The following RPTOR variants were observed in gnomAD, a reference collection of about 807,000 sequenced individuals.
The protein encoded by RPTOR is regulatory associated protein of MTOR complex 1, also known as regulatory-associated protein of mTOR.
In RPTOR, 21 loss-of-function variants were observed where a neutral mutation model predicts 169.9. The ratio of observed to expected loss-of-function variants is 0.12; its 90% CI spans 0.09 to 0.18. The LOEUF (loss-of-function observed/expected upper bound fraction) is 0.18. Among genes scored for constraint, RPTOR ranks in the 10% least tolerant of loss-of-function variants. The pLI is 1.00. For synonymous variants in RPTOR, 732 were observed against 753.2 expected, an observed-to-expected ratio of 0.97 and a Z score of 0.46; for missense variants, 1,133 against 1,855.9, an observed-to-expected ratio of 0.61 and a Z score of 7.16.
chr17:80,630,430 CAG>C (rs1470829979), intron 2 of RPTOR, among the ~76,000 whole-genome samples: 1 of 152,188 alleles, frequency 6.6e-6, no homozygotes, highest in Admixed American at 6.5e-5. Context: ...TCCAGAGAAA[CAG>C]GGGCAGTAGA....
Position 80,844,343 on chromosome 17 carries a change from T to G in RPTOR, c.1213-2130T>G, listed in dbSNP as rs1288431738. 6.6e-6 allele frequency among the ~76,000 whole-genome samples: 1 copy of G among 152,134 alleles called. No individual in the cohort carries two copies. Among genetic ancestry groups the G allele is most frequent in the African/African-American group, 2.4e-5 (1 of 41,416 alleles). ...ATTTTTCTCTTTCTGCATGGAGTAG[T>G]GACTCCAGCAGTGAGGAACATGTGA... On this transcript the variant is annotated intron_variant, in intron 10 of 33. Coordinates refer to ENST00000306801, the MANE Select transcript of RPTOR (RefSeq NM_020761.3). This position sits in a 1 kb window ranked among gnomAD's most constrained non-coding sequence, Gnocchi z 4.7.
At chr17:80,624,948 C>A (rs983888919) in intron 1 of RPTOR, among the ~76,000 whole-genome samples, 3 of 152,134 alleles carry the variant, frequency 2.0e-5, no homozygotes, top group Non-Finnish European at 2.9e-5. Context: ...GGCTCCACCC[C>A]GATGGGGAGT....
intron 24 of RPTOR, among the ~76,000 whole-genome samples, chr17:80,929,445 CA>C (rs1394672400): frequency 1.4e-5 from 2 of 146,070 alleles, no homozygotes; most frequent in African/African-American, 5.1e-5. Context: ...ATTAGTTTTG[CA>C]ATTTAAAACA....
At chr17:80,732,978 T>C (rs2066404897) in intron 5 of RPTOR, among the ~76,000 whole-genome samples, 2 of 152,238 alleles carry the variant, frequency 1.3e-5, no homozygotes, top group Admixed American at 1.3e-4. Flanking sequence ...AAATAAACAA[T>C]TGATTAAATA....
At chr17:80,608,279 CTCCTT>C (rs2065242983) in intron 1 of RPTOR, among the ~76,000 whole-genome samples, 1 of 152,208 alleles carries the variant, frequency 6.6e-6, no homozygotes, top group South Asian at 2.1e-4. Flanking sequence ...TCTCATTTCC[CTCCTT>C]TCCTTAGGAG....
At chr17:80,599,149 G>A (rs112401820) in intron 1 of RPTOR, among the ~76,000 whole-genome samples, 7,248 of 152,134 alleles carry the variant, frequency 0.048, 244 homozygotes, top group Admixed American at 0.089. Context: ...GTTGAATCTG[G>A]GCTGACTCGG....
chr17:80,949,583 G>C, intron 28 of RPTOR, 36 bp downstream of exon 28: 4 of 1,560,008 alleles, frequency 2.6e-6, no homozygotes, highest in Non-Finnish European at 3.5e-6. Context: ...AGCAGAATGT[G>C]TTCCCGGGGC....
chr17:80,864,691 A>G (rs2067967161), intron 13 of RPTOR, among the ~76,000 whole-genome samples: 2 of 152,270 alleles, frequency 1.3e-5, no homozygotes, highest in African/African-American at 4.8e-5. Flanking sequence ...ACACGGTTCT[A>G]CACAAAGGAA....
chr17:80,770,791 T>A lies in RPTOR; in HGVS notation c.830+16606T>A, dbSNP rs1421691825. Among the ~76,000 whole-genome samples the A allele has an allele frequency of 3.3e-5, 5 of 152,304 alleles. No homozygotes were observed. The East Asian group carries it at 5.8e-4, about 18-fold the overall frequency. On this transcript the variant is annotated intron_variant, in intron 6 of 33. Coordinates refer to ENST00000306801, the MANE Select transcript of RPTOR (RefSeq NM_020761.3). ...ATCCCCACCTTCCAATCCACAAATG[T>A]TTGTACTCAAATTTCCCCAGCAGAA... is the stretch of plus-strand genomic sequence containing the variant.
At chr17:80,795,001 A>G (rs1459372797) in intron 7 of RPTOR, among the ~76,000 whole-genome samples, 1 of 152,244 alleles carries the variant, frequency 6.6e-6, no homozygotes, top group Non-Finnish European at 1.5e-5. Flanking sequence ...GTTCCAATCC[A>G]TAGCATGTGT....
chr17:80,679,589 C>G (rs1272860861), intron 3 of RPTOR, among the ~76,000 whole-genome samples: 4 of 152,044 alleles, frequency 2.6e-5, no homozygotes, highest in Admixed American at 2.6e-4. Context: ...ATTTTTTGAG[C>G]CTGCAAACTT....
chr17:80,636,942 C>G (rs1036503341), intron 2 of RPTOR, among the ~76,000 whole-genome samples: 9 of 152,244 alleles, frequency 5.9e-5, no homozygotes, highest in African/African-American at 2.2e-4. Context: ...GCCGCTCACT[C>G]AGGGTTGAAG....
intron 25 of RPTOR, among the ~76,000 whole-genome samples, chr17:80,940,961 A>C (rs17848664): frequency 0.25 from 37,615 of 152,134 alleles, 5,603 homozygotes; most frequent in Middle Eastern, 0.34. Context: ...GGAACTTTGC[A>C]TGTTGACATT....
chr17:80,834,090 G>A (rs193141962), intron 9 of RPTOR, among the ~76,000 whole-genome samples: 19 of 152,308 alleles, frequency 1.2e-4, no homozygotes, highest in African/African-American at 1.9e-4. Flanking sequence ...AACCACCCAC[G>A]GCCCCGAGAG....
intron 3 of RPTOR, among the ~76,000 whole-genome samples, chr17:80,685,625 A>AT (rs1567856556): frequency 3.4e-4 from 12 of 35,306 alleles, no homozygotes; most frequent in African/African-American, 5.9e-4. Context: ...ATATATATAT[A>AT]TATTTTTTTT....
intron 6 of RPTOR, chr17:80,773,906 C>T (rs74639601): frequency 1.3e-5 from 13 of 984,086 alleles, no homozygotes; most frequent in Non-Finnish European, 1.3e-5. Context: ...TCCCTCCAGA[C>T]AGCTCCCGGT....
At chr17:80,858,672 C>T (rs2067883271) in intron 13 of RPTOR, among the ~76,000 whole-genome samples, 1 of 152,002 alleles carries the variant, frequency 6.6e-6, no homozygotes, top group Non-Finnish European at 1.5e-5. Context: ...CGAGACCCGG[C>T]CTATGCTGAA....
intron 28 of RPTOR, among the ~76,000 whole-genome samples, chr17:80,956,046 T>C (rs575283850): frequency 1.3e-5 from 2 of 152,356 alleles, no homozygotes; most frequent in East Asian, 3.9e-4. Context: ...AGGCCCCATT[T>C]TGACACTGAA....
At chr17:80,738,524 C>G (rs1188597276) in intron 5 of RPTOR, among the ~76,000 whole-genome samples, 1 of 73,728 alleles carries the variant, frequency 1.4e-5, no homozygotes, top group African/African-American at 1.0e-4. Context: ...ATGAATTTCA[C>G]AGACACGTGT....
Sources: allele counts gnomAD v4.1 joint callset (sites outside exome capture counted in the v4.1 genomes callset), GRCh38; gene constraint gnomAD v4.1.1; non-coding constraint Gnocchi (gnomAD v3.1); transcripts MANE v1.5; gene names NCBI Gene and HGNC (gene_info 2026-07-23, HGNC 2026-07-21).